PPP2R2B: variants seen among roughly 807,000 people sequenced by gnomAD.
PPP2R2B encodes serine/threonine-protein phosphatase 2A 55 kDa regulatory subunit B beta isoform.
In PPP2R2B, 5 loss-of-function variants were observed where a neutral mutation model predicts 46.0. That is an observed-to-expected ratio of 0.11 (90% CI 0.06 to 0.23). PPP2R2B has a LOEUF of 0.23. PPP2R2B is among the 10% of genes least tolerant of loss of function. The pLI, the probability that PPP2R2B is intolerant of heterozygous loss-of-function variation, is 1.00. For synonymous variants in PPP2R2B, 215 were observed against 206.7 expected (o/e 1.04, Z -0.34); for missense variants, 367 against 575.0 (o/e 0.64, Z 3.70).
chr5:146,634,782 ACC>A (rs768111484), intron 7 of PPP2R2B, among the ~76,000 whole-genome samples: 8 of 146,776 alleles, frequency 5.5e-5, no homozygotes, highest in Non-Finnish European at 6.0e-5. Context: ...ACACACACAC[ACC>A]CCCTACTGGT....
chr5:146,641,615 A>G (rs1162956735), intron 6 of PPP2R2B, among the ~76,000 whole-genome samples: 1 of 149,940 alleles, frequency 6.7e-6, no homozygotes, highest in Non-Finnish European at 1.5e-5. Context: ...GAAACATTTG[A>G]GAGAAGTCTA....
Position 146,696,434 on chromosome 5 carries a change from T to A in PPP2R2B, c.334+1545A>T, listed in dbSNP as rs1779188820. ...TTCGAGTTTTAAATGCAATAATCAA[T>A]AGGCTAAATTTGAGAATATAAAGTG... is the stretch of plus-strand genomic sequence containing the variant. On this transcript the variant is annotated intron_variant, in intron 4 of 9. Transcript: ENST00000394411. 2.0e-5 allele frequency among the ~76,000 whole-genome samples: 3 copies of A among 152,188 alleles called. No homozygotes were observed. In the South Asian group the frequency reaches 6.2e-4, roughly 32 times the overall value.
At chr5:146,895,902 A>G (rs1359001810) in intron 1 of PPP2R2B, among the ~76,000 whole-genome samples, 1 of 152,198 alleles carries the variant, frequency 6.6e-6, no homozygotes, top group Non-Finnish European at 1.5e-5. Flanking sequence ...GGAAGACATC[A>G]AAATATGTCC....
intron 2 of PPP2R2B, among the ~76,000 whole-genome samples, chr5:146,773,632 G>C (rs969205807): frequency 1.3e-5 from 2 of 152,342 alleles, no homozygotes; most frequent in Admixed American, 1.3e-4. Context: ...GGTAATCAAA[G>C]TTCATTCCTT....
upstream of PPP2R2B, among the ~76,000 whole-genome samples, chr5:147,060,311 A>G (rs1431794712): frequency 6.6e-6 from 1 of 152,214 alleles, no homozygotes; most frequent in Non-Finnish European, 1.5e-5. Flanking sequence ...CCAAGGAATC[A>G]ATAGTAAACA....
At chr5:146,787,934 C>G (rs916447070) in intron 2 of PPP2R2B, among the ~76,000 whole-genome samples, 3 of 152,196 alleles carry the variant, frequency 2.0e-5, no homozygotes, top group Non-Finnish European at 4.4e-5. Context: ...CAATGAAACA[C>G]TGCATCTTTG....
intron 5 of PPP2R2B, 103 bp downstream of exon 5, chr5:146,691,025 C>T: frequency 1.1e-6 from 1 of 931,550 alleles, no homozygotes; most frequent in Non-Finnish European, 1.7e-6. Context: ...TACGTTCCCT[C>T]ACTGGCCCAT....
At chr5:146,956,724 C>G (rs1301536092) in intron 1 of PPP2R2B, among the ~76,000 whole-genome samples, 2 of 152,166 alleles carry the variant, frequency 1.3e-5, no homozygotes, top group African/African-American at 2.4e-5. Context: ...CCTTAAACAA[C>G]AAACATTTAC....
At chr5:146,729,381 TC>T (rs2151203547) in intron 2 of PPP2R2B, among the ~76,000 whole-genome samples, 1 of 152,292 alleles carries the variant, frequency 6.6e-6, no homozygotes, top group African/African-American at 2.4e-5. Flanking sequence ...GCATAAAAGT[TC>T]AGAAAATTTG....
At chr5:146,906,306 CATTT>C (rs35217325) in intron 1 of PPP2R2B, among the ~76,000 whole-genome samples, 47 of 149,264 alleles carry the variant, frequency 3.1e-4, no homozygotes, top group East Asian at 1.2e-3. Flanking sequence ...TACCATTTTC[CATTT>C]ATTTATTTAT....
intron 2 of PPP2R2B, among the ~76,000 whole-genome samples, chr5:146,810,429 T>C (rs1182677588): frequency 6.6e-6 from 1 of 152,136 alleles, no homozygotes; most frequent in Non-Finnish European, 1.5e-5. Context: ...ACCCCCATGA[T>C]TCAGTTATAT....
intron 2 of PPP2R2B, among the ~76,000 whole-genome samples, chr5:146,790,730 C>G (rs1180097758): frequency 3.3e-5 from 5 of 152,228 alleles, no homozygotes; most frequent in African/African-American, 1.2e-4. Context: ...TCTCTTGCCT[C>G]AGACACCTAG....
At chr5:147,047,062 G>C (rs935786486) in intron 1 of PPP2R2B, among the ~76,000 whole-genome samples, 1 of 152,024 alleles carries the variant, frequency 6.6e-6, no homozygotes, top group Non-Finnish European at 1.5e-5. Context: ...AATTTCTCAA[G>C]GGACATCACA....
At chr5:146,876,243 A>C (rs1424211115) in intron 2 of PPP2R2B, among the ~76,000 whole-genome samples, 2 of 152,166 alleles carry the variant, frequency 1.3e-5, no homozygotes, top group African/African-American at 4.8e-5. Flanking sequence ...GAATAAAAAT[A>C]AGAACAACGG....
intron 2 of PPP2R2B, among the ~76,000 whole-genome samples, chr5:146,876,136 A>G (rs968700276): frequency 2.0e-5 from 3 of 152,178 alleles, no homozygotes; most frequent in African/African-American, 7.2e-5. Flanking sequence ...TGAGAGGTTG[A>G]TTCTCACATG....
intron 1 of PPP2R2B, among the ~76,000 whole-genome samples, chr5:147,015,917 C>T (rs188014288): frequency 1.2e-4 from 18 of 151,258 alleles, no homozygotes; most frequent in Admixed American, 3.3e-4. Flanking sequence ...CCTTGAAATA[C>T]GAGTATATTA....
chr5:147,074,035 CAAAA>C (rs1187876886), intron 2 of PPP2R2B, among the ~76,000 whole-genome samples: 1 of 113,850 alleles, frequency 8.8e-6, no homozygotes, highest in East Asian at 2.6e-4. Context: ...GGCTCTGTCT[CAAAA>C]AAAAAAAAAA....
chr5:146,766,045 T>A (rs1754458519), intron 2 of PPP2R2B, among the ~76,000 whole-genome samples: 1 of 152,172 alleles, frequency 6.6e-6, no homozygotes, highest in Admixed American at 6.5e-5. Context: ...TAAAGGAAAA[T>A]AAGTATCATT....
At chr5:146,706,408 G>A in intron 2 of PPP2R2B, 1 of 827,172 alleles carries the variant, frequency 1.2e-6, no homozygotes, top group South Asian at 1.3e-5. Flanking sequence ...AGCCGCTGGT[G>A]GTCTTCGTAT....
Sources: allele counts gnomAD v4.1 joint callset (sites outside exome capture counted in the v4.1 genomes callset), GRCh38; gene constraint gnomAD v4.1.1; transcripts MANE v1.5; gene names NCBI Gene and HGNC (gene_info 2026-07-23, HGNC 2026-07-21).